Variants in MIER2 observed in about 807,000 individuals in gnomAD.
The protein encoded by MIER2 is mesoderm induction early response protein 2.
A neutral mutation model predicts 67.6 loss-of-function variants in MIER2; 30 were observed. The observed-to-expected ratio is 0.44, with a 90% confidence interval of 0.33 to 0.60. The LOEUF (loss-of-function observed/expected upper bound fraction) is 0.60, where lower values mean the gene tolerates loss of function less well. Among genes scored for constraint, MIER2 ranks in the 20% least tolerant of loss-of-function variants. The pLI, the probability that MIER2 is intolerant of heterozygous loss-of-function variation, is 0.02. For missense variants in MIER2, 702 were observed against 745.1 expected (o/e 0.94, Z 0.67); for synonymous variants, 372 against 312.6 (o/e 1.19, Z -2.00).
intron 1 of MIER2, among the ~76,000 whole-genome samples, chr19:337,889 A>AAAAAAAAAC (rs1972334261): frequency 7.5e-6 from 1 of 132,886 alleles, no homozygotes; most frequent in Non-Finnish European, 1.6e-5. Flanking sequence ...AAAAAAAAAA[A>AAAAAAAAAC]AAGGCTGGGC....
chr19:324,500 A>ACGAC (rs1490516241), intron 7 of MIER2, among the ~76,000 whole-genome samples: 2 of 139,194 alleles, frequency 1.4e-5, no homozygotes, highest in African/African-American at 5.8e-5. Flanking sequence ...AACCACGCAG[A>ACGAC]TGACTCGAAG....
intron 3 of MIER2, among the ~76,000 whole-genome samples, chr19:328,916 A>G (rs1971891686): frequency 6.6e-6 from 1 of 152,358 alleles, no homozygotes; most frequent in South Asian, 2.1e-4. Context: ...GAGCCAATGT[A>G]ATATGACAAG....
In MIER2 at chr19:321,557, C is replaced by T. The variant is rs541481843; in HGVS notation, c.655+4078G>A. Among the ~76,000 whole-genome samples the T allele has an allele frequency of 2.0e-5, 3 of 152,086 alleles. No homozygotes were observed. In the South Asian group the frequency reaches 6.2e-4, roughly 32 times the overall value. Reference sequence around the variant, plus strand: ...TTACTTGGGAGGCTGAGTGGGAGAACTGCTTGAATCCAGGAGGCGGAGGTT... The same window carrying T: ...TTACTTGGGAGGCTGAGTGGGAGAATTGCTTGAATCCAGGAGGCGGAGGTT... On this transcript the variant is annotated intron_variant, in intron 7 of 13. Coordinates refer to ENST00000264819, the MANE Select transcript of MIER2 (RefSeq NM_017550.3).
chr19:328,234 G>A (rs999846213), intron 3 of MIER2, among the ~76,000 whole-genome samples: 4 of 152,112 alleles, frequency 2.6e-5, no homozygotes, highest in Non-Finnish European at 4.4e-5. Context: ...GCACCACCCT[G>A]CCCACAATGC....
rs1405114646 is a variant in MIER2, at chr19:308,863, G to C, written c.1047C>G (p.Arg349=). The C allele has an allele frequency of 6.2e-6, 10 of 1,611,700 alleles. No individual in the cohort carries two copies. Among genetic ancestry groups the C allele is most frequent in the Non-Finnish European group, 8.5e-6 (10 of 1,178,718 alleles). ...EYYYLWKKSE[R]YDYFAQQTRL... The stretch of plus-strand genomic sequence containing the variant: ...GCGTCTGCTGGGCGAAGTAGTCGTA[G>C]CGCTCCGACTTCTTCCACAGGTAGT... Residue 349 remains arginine, a synonymous_variant, in exon 11 of 14, where the codon CGC becomes CGG. Transcript: ENST00000264819. This position sits in a 1 kb window ranked among gnomAD's most constrained non-coding sequence, Gnocchi z 9.1.
Position 334,523 on chromosome 19 carries a change from T to C in MIER2, c.120A>G (p.Gly40=). The C allele has an allele frequency of 1.2e-6, 2 of 1,613,958 alleles. No individual in the cohort carries two copies. The highest frequency in any genetic ancestry group is 1.6e-4 in the Middle Eastern group (1 of 6,062). The change falls in exon 3 of 14, where the codon GGA becomes GGG. Residue 40 remains glycine (G), a synonymous_variant. Coordinates refer to ENST00000264819, the MANE Select transcript of MIER2 (RefSeq NM_017550.3). ...QTTAVVSMGS[G]DHQFNLAEIL... Reference sequence around the variant, plus strand: ...TCTCTGCGAGGTTGAACTGATGGTCTCCAGAGCCCATGGACACCACTGGGG... The same window carrying C: ...TCTCTGCGAGGTTGAACTGATGGTCCCCAGAGCCCATGGACACCACTGGGG...
At chr19:334,885 G>A (rs995606022) in intron 2 of MIER2, among the ~76,000 whole-genome samples, 1 of 152,178 alleles carries the variant, frequency 6.6e-6, no homozygotes, top group African/African-American at 2.4e-5. Flanking sequence ...GGAGCAGCAG[G>A]ACTCAGTCGA....
rs142220984 is a variant in MIER2 at position 313,510 on chromosome 19, G to A, written c.789C>T (p.Ala263=). The A allele has an allele frequency of 3.5e-5, 57 of 1,612,300 alleles. 1 individual carries two copies. The highest frequency in any genetic ancestry group is 3.3e-4 in the African/African-American group (25 of 75,028). ...CCCCCACCTGCTCACTGTCTTTCAC[G>A]GCTTCTCCCTCTGGGAGCTGAGGCC... ...MAGPQLPEGE[A]VKDSEQALYE... is the part of the protein sequence containing the mutation. The change falls in exon 8 of 14, where the codon GCC becomes GCT. Residue 263 remains alanine (A), a synonymous_variant. Transcript: ENST00000264819.
Position 326,526 on chromosome 19 carries a change from GGAAGA to G in MIER2, c.561_565del (p.Leu188CysfsTer5). 6.2e-7 allele frequency: 1 copy of G among 1,613,994 alleles called. No individual in the cohort carries two copies. Among genetic ancestry groups the G allele is most frequent in the Non-Finnish European group, 8.5e-7 (1 of 1,179,864 alleles). On this transcript the variant is annotated frameshift_variant, in exon 6 of 14. Coordinates refer to ENST00000264819, the MANE Select transcript of MIER2 (RefSeq NM_017550.3). LOFTEE classifies it high-confidence loss of function. ...ACGTACCTTCTTACATTTGTTGGCAGGAAGAGAGTCCTCCTCGGTGTCGGAGGAGG... is the reference window on the plus strand; with the variant it reads ...ACGTACCTTCTTACATTTGTTGGCAGGAGTCCTCCTCGGTGTCGGAGGAGG...
intron 10 of MIER2, among the ~76,000 whole-genome samples, chr19:309,861 G>C (rs1343335312): frequency 2.2e-4 from 6 of 27,396 alleles, no homozygotes; most frequent in Admixed American, 3.2e-4. Context: ...GCTTCAGGGA[G>C]ACGAGAAGGG....
At chr19:330,045 G>A (rs966279135) in intron 3 of MIER2, among the ~76,000 whole-genome samples, 7 of 152,050 alleles carry the variant, frequency 4.6e-5, no homozygotes, top group Non-Finnish European at 7.4e-5. Context: ...GTGGTGAGAC[G>A]AAGAGGCTGT....
intron 7 of MIER2, among the ~76,000 whole-genome samples, chr19:324,363 A>T (rs1159132091): frequency 7.1e-6 from 1 of 140,194 alleles, no homozygotes; most frequent in Non-Finnish European, 1.5e-5. Context: ...AATACACAGG[A>T]CACACACAAC....
Position 310,627 on chromosome 19 carries a change from A to G in MIER2, c.984+1218T>C, listed in dbSNP as rs1460197989. 4.2e-5 allele frequency among the ~76,000 whole-genome samples: 6 copies of G among 141,616 alleles called. 1 individual carries two copies. 92.9% of individuals were successfully genotyped at this position (141,616 alleles called of 152,430 possible). A position where few individuals can be genotyped will look rare whatever the true frequency, so the allele number is the denominator to read the frequency against. On this transcript the variant is annotated intron_variant, in intron 10 of 13. Coordinates refer to ENST00000264819, the MANE Select transcript of MIER2 (RefSeq NM_017550.3). Reference sequence around the variant, plus strand: ...CGGGAGCTATAGAAACACAGCCCGGAGCTATAGAAACAGCCCAGAGTCCAG... The same window carrying G: ...CGGGAGCTATAGAAACACAGCCCGGGGCTATAGAAACAGCCCAGAGTCCAG...
At chr19:317,996 G>C (rs1335458833) in intron 7 of MIER2, among the ~76,000 whole-genome samples, 2 of 152,032 alleles carry the variant, frequency 1.3e-5, no homozygotes, top group African/African-American at 4.8e-5. Context: ...TTGAGGTCTA[G>C]AGATTGAGAC....
intron 13 of MIER2, 48 bp downstream of exon 13, chr19:307,071 G>C: frequency 1.3e-6 from 2 of 1,524,234 alleles, no homozygotes; most frequent in Non-Finnish European, 8.8e-7. Flanking sequence ...GGGCTGGGGG[G>C]ACCTGGTTGG....
intron 2 of MIER2, among the ~76,000 whole-genome samples, chr19:335,048 G>A (rs1035801682): frequency 1.1e-4 from 17 of 152,352 alleles, no homozygotes; most frequent in African/African-American, 4.1e-4. Context: ...AGGGCCACAT[G>A]AAGAAGACAT....
chr19:307,338 G>T lies in MIER2; in HGVS notation c.1397C>A (p.Ala466Asp). ...QPAVTAPEPD[A>D]SPRLAVDFAL... ...GAAGTCCACGGCCAGCCTTGGGCTG[G>T]CGTCTGGCTCCGGAGCAGTGACAGC... Residue 466 changes from alanine to aspartate, a missense_variant, in exon 13 of 14, where the codon GCC becomes GAC. Around this residue, in one of 3 missense-constraint regions of MIER2, gnomAD observed 254 missense variants for 262.8 expected, o/e 0.97. Transcript: ENST00000264819. The T allele has an allele frequency of 6.2e-7, 1 of 1,603,718 alleles. No homozygotes were observed.
chr19:333,803 C>T (rs558157507), intron 3 of MIER2, among the ~76,000 whole-genome samples: 63 of 149,846 alleles, frequency 4.2e-4, no homozygotes, highest in African/African-American at 1.5e-3. Flanking sequence ...ATTCTCCCGC[C>T]TCAGCCTCCC....
Position 306,563 on chromosome 19 carries a change from C to A in MIER2, c.*127G>T. 1 of 1,288,342 alleles carries A rather than the reference C, an allele frequency of 7.8e-7. No homozygotes were observed. Among genetic ancestry groups the A allele is most frequent in the South Asian group, 1.3e-5 (1 of 74,110 alleles). The allele number at this position is 1,288,342 out of a possible 1,614,324, so 79.8% of individuals were successfully genotyped here. A position where few individuals can be genotyped will look rare whatever the true frequency, so the allele number is the denominator to read the frequency against. On this transcript the variant is annotated 3_prime_UTR_variant, in exon 14 of 14. Transcript: ENST00000264819. ...CACCTCACCCCAGTCCTGACGTGTT[C>A]TGAAGCAGAAGGAGGTGCTACCCCA... is the stretch of plus-strand genomic sequence containing the variant.
Sources: allele counts gnomAD v4.1 joint callset (sites outside exome capture counted in the v4.1 genomes callset), GRCh38; gene constraint gnomAD v4.1.1; regional missense constraint gnomAD v4.1.1; non-coding constraint Gnocchi (gnomAD v3.1); transcripts MANE v1.5; gene names NCBI Gene and HGNC (gene_info 2026-07-23, HGNC 2026-07-21).